The following CLIP4 variants were observed in gnomAD, a reference collection of about 807,000 sequenced individuals.
CLIP4 encodes the protein CAP-Gly domain-containing linker protein 4.
Under a neutral mutation model 73.1 loss-of-function variants are expected in CLIP4, and 47 were observed. The observed-to-expected ratio is 0.64, with a 90% confidence interval of 0.51 to 0.82. CLIP4 has a LOEUF of 0.82. Among genes scored for constraint, CLIP4 ranks in the 40% least tolerant of loss-of-function variants. The pLI is 0.00. For missense variants in CLIP4, 874 were observed against 852.9 expected (o/e 1.02, Z -0.31); for synonymous variants, 306 against 295.4 (o/e 1.04, Z -0.37).
intron 6 of CLIP4, among the ~76,000 whole-genome samples, chr2:29,138,260 G>C (rs1037165679): frequency 2.6e-5 from 4 of 152,092 alleles, no homozygotes; most frequent in Non-Finnish European, 5.9e-5. Flanking sequence ...TATGAGTAGA[G>C]TGTCCTTTCC....
intron 1 of CLIP4, among the ~76,000 whole-genome samples, chr2:29,109,794 C>T (rs150675802): frequency 3.1e-3 from 468 of 152,224 alleles, no homozygotes; most frequent in African/African-American, 0.011. Context: ...CATGACAGCT[C>T]ATGCCTGTAA....
intron 12 of CLIP4, among the ~76,000 whole-genome samples, chr2:29,163,487 A>G (rs1667419679): frequency 6.6e-6 from 1 of 152,290 alleles, no homozygotes; most frequent in Non-Finnish European, 1.5e-5. Flanking sequence ...CTGAAACACT[A>G]TATTACCAAG....
Position 29,121,416 on chromosome 2 carries a change from C to T in CLIP4, c.28C>T (p.Pro10Ser). 6.2e-7 allele frequency: 1 copy of T among 1,613,316 alleles called. No individual in the cohort carries two copies. Residue 10 changes from proline to serine, a missense_variant, in exon 2 of 16, where the codon CCA becomes TCA. Coordinates refer to ENST00000320081, the MANE Select transcript of CLIP4 (RefSeq NM_024692.6). Reference sequence around the variant, plus strand: ...GACCATAGAGGACCTTCCAGATTTTCCATTAGAAGGAAATCCTTTGTTTGG... The same window carrying T: ...GACCATAGAGGACCTTCCAGATTTTTCATTAGAAGGAAATCCTTTGTTTGG... Reference protein sequence around the residue: MTIEDLPDFPLEGNPLFGRY... With the variant: MTIEDLPDFSLEGNPLFGRY...
chr2:29,152,396 AT>A (rs1455427808), intron 8 of CLIP4, among the ~76,000 whole-genome samples: 2 of 150,568 alleles, frequency 1.3e-5, no homozygotes, highest in South Asian at 2.1e-4. Flanking sequence ...GTTAAAAAAA[AT>A]GATAGAAAAC....
intron 14 of CLIP4, among the ~76,000 whole-genome samples, chr2:29,173,489 G>A (rs3112923): frequency 6.6e-6 from 1 of 152,132 alleles, no homozygotes; most frequent in Non-Finnish European, 1.5e-5. Context: ...AGCCAGTAAG[G>A]TGAAAGCCCA....
chr2:29,143,698 T>C lies in CLIP4; in HGVS notation c.649-11T>C, dbSNP rs1665943500. 6.3e-7 allele frequency: 1 copy of C among 1,575,248 alleles called. No homozygotes were observed. The highest frequency in any genetic ancestry group is 1.3e-5 in the African/African-American group (1 of 74,108). ...AAGAGTTGAACATTTTTCTCTTATC[T>C]TTATTTGTAGAATGACAAAGGACAG... On this transcript the variant is annotated splice_polypyrimidine_tract_variant and intron_variant, in intron 6 of 15. Transcript: ENST00000320081.
intron 15 of CLIP4, among the ~76,000 whole-genome samples, 157 bp from the exon 16 acceptor site, chr2:29,181,415 G>T (rs1231070293): frequency 2.0e-5 from 3 of 152,118 alleles, no homozygotes; most frequent in East Asian, 1.9e-4. Context: ...CTCTAAAACT[G>T]CTATTTAAAA....
intron 15 of CLIP4, among the ~76,000 whole-genome samples, chr2:29,179,267 A>G (rs974046387): frequency 2.0e-5 from 3 of 151,598 alleles, no homozygotes; most frequent in Non-Finnish European, 2.9e-5. Context: ...TAAAATAATT[A>G]TGTCTATTTT....
At chr2:29,105,014 G>A (rs890771595) in intron 1 of CLIP4, among the ~76,000 whole-genome samples, 1 of 151,990 alleles carries the variant, frequency 6.6e-6, no homozygotes, top group Admixed American at 6.5e-5. Context: ...TTTGTCCAAT[G>A]GGCACATATC....
intron 2 of CLIP4, among the ~76,000 whole-genome samples, chr2:29,127,659 T>TA (rs1422163861): frequency 6.6e-6 from 1 of 152,140 alleles, no homozygotes; most frequent in African/African-American, 2.4e-5. Flanking sequence ...GGTTTTCCAT[T>TA]AGAGTGCTGG....
chr2:29,167,642 G>A (rs1353223788), intron 14 of CLIP4, 102 bp downstream of exon 14: 8 of 732,698 alleles, frequency 1.1e-5, no homozygotes, highest in Non-Finnish European at 1.7e-5. Flanking sequence ...TCTATAAACT[G>A]TATTTGTATA....
In CLIP4 at chr2:29,183,422, G is replaced by C. The variant is rs939809221; in HGVS notation, c.*1529G>C. On this transcript the variant is annotated 3_prime_UTR_variant, in exon 16 of 16. Transcript: ENST00000320081. ...CAAAATAAGGCTGCTTTGTAATCAA[G>C]GAATATTTTTATTGATTGAAGGAAA... 6.6e-6 allele frequency: 1 copy of C among 152,552 alleles called. No individual in the cohort carries two copies. Among genetic ancestry groups the C allele is most frequent in the African/African-American group, 2.4e-5 (1 of 41,414 alleles). 9.4% of individuals were successfully genotyped at this position (152,552 alleles called of 1,614,324 possible).
intron 1 of CLIP4, among the ~76,000 whole-genome samples, chr2:29,108,428 G>A (rs970810830): frequency 6.6e-6 from 1 of 152,132 alleles, no homozygotes; most frequent in East Asian, 1.9e-4. Flanking sequence ...GATCCCAGGC[G>A]GGACGGGGCA....
chr2:29,151,379 A>AATC (rs1005323327), intron 8 of CLIP4, among the ~76,000 whole-genome samples: 1 of 152,176 alleles, frequency 6.6e-6, no homozygotes, highest in African/African-American at 2.4e-5. Context: ...CACTGGTTGT[A>AATC]ATCATCATCA....
At chr2:29,151,530 T>TA (rs34493280) in intron 8 of CLIP4, among the ~76,000 whole-genome samples, 77,072 of 151,828 alleles carry the variant, frequency 0.51, 20,401 homozygotes, top group Non-Finnish European at 0.55. Flanking sequence ...TAAATAAGTT[T>TA]AAAAAAGATA....
intron 8 of CLIP4, among the ~76,000 whole-genome samples, chr2:29,146,883 A>G (rs1424745475): frequency 6.6e-6 from 1 of 152,216 alleles, no homozygotes; most frequent in Non-Finnish European, 1.5e-5. Context: ...ATTCCCTGTA[A>G]GCACTCAACA....
At chr2:29,172,409 T>C (rs564131241) in intron 14 of CLIP4, among the ~76,000 whole-genome samples, 1 of 152,152 alleles carries the variant, frequency 6.6e-6, no homozygotes, top group Non-Finnish European at 1.5e-5. Flanking sequence ...GTGTAGAATT[T>C]TAGGTTTAAA....
intron 2 of CLIP4, chr2:29,130,872 C>A (rs1427957396): frequency 3.1e-6 from 4 of 1,290,470 alleles, no homozygotes; most frequent in South Asian, 1.2e-5. Flanking sequence ...CATGCTGTTA[C>A]AATCTGAGCT....
rs1210901975 is a variant in CLIP4 at position 29,142,334 on chromosome 2, A to G, written c.649-1375A>G. 2.6e-5 allele frequency among the ~76,000 whole-genome samples: 4 copies of G among 151,618 alleles called. No homozygotes were observed. In the East Asian group the frequency reaches 7.7e-4, roughly 29 times the overall value. ...TTTTTTTTTTTTAACAGAAGTTTCG[A>G]TTGTTGAATTGTATGGGAATTAACA... On this transcript the variant is annotated intron_variant, in intron 6 of 15. Transcript: ENST00000320081.
Sources: gnomAD v4.1 joint callset for allele counts (sites outside exome capture counted in the v4.1 genomes callset) on GRCh38, gnomAD v4.1.1 for gene constraint, MANE v1.5 for transcripts, NCBI Gene and HGNC (gene_info 2026-07-23, HGNC 2026-07-21) for gene names.